The following SPOCK1 variants were observed in gnomAD, a reference collection of about 807,000 sequenced individuals.
SPOCK1 encodes testican-1.
SPOCK1 carries 23 observed loss-of-function variants against 55.3 expected under a neutral mutation model. The observed-to-expected ratio is 0.42, with a 90% confidence interval of 0.30 to 0.59. SPOCK1 has a LOEUF of 0.59. Among genes scored for constraint, SPOCK1 ranks in the 20% least tolerant of loss-of-function variants. The pLI is 0.22. For missense variants in SPOCK1, 499 were observed against 552.5 expected, an observed-to-expected ratio of 0.90 and a Z score of 0.97; for synonymous variants, 226 against 221.0, an observed-to-expected ratio of 1.02 and a Z score of -0.20.
chr5:137,144,499 A>G (rs1350949681), intron 3 of SPOCK1, among the ~76,000 whole-genome samples: 1 of 152,260 alleles, frequency 6.6e-6, no homozygotes, highest in Non-Finnish European at 1.5e-5. Context: ...AACTTCACAG[A>G]GCAACAAAAC....
chr5:137,118,476 A>C (rs1327213356), intron 4 of SPOCK1, among the ~76,000 whole-genome samples: 1 of 152,110 alleles, frequency 6.6e-6, no homozygotes, highest in East Asian at 1.9e-4. Flanking sequence ...CACCCTCACC[A>C]ACCCATACCC....
chr5:137,350,503 A>G (rs1750654608), intron 2 of SPOCK1, among the ~76,000 whole-genome samples: 1 of 152,114 alleles, frequency 6.6e-6, no homozygotes, highest in Non-Finnish European at 1.5e-5. Context: ...ACTCATCTGG[A>G]GGGTACAACA....
chr5:137,112,519 A>G lies in SPOCK1; in HGVS notation c.390T>C (p.Pro130=), dbSNP rs17170968. 22,287 of 1,613,680 alleles carry G rather than the reference A, an allele frequency of 0.014. 2,502 individuals carry two copies. In the African/African-American group the frequency reaches 0.26, roughly 19 times the overall value. The change falls in exon 5 of 11, where the codon CCT becomes CCC. Residue 130 remains proline (P), a synonymous_variant. Transcript: ENST00000394945. ...GNVAQKHWVG[P]SNLVKCKPCP... is the part of the protein sequence containing the mutation. The stretch of plus-strand genomic sequence containing the variant: ...AGGGCTTGCACTTGACCAAATTCGA[A>G]GGTCCAACCCAGTGTTTCTGGGCCA...
At chr5:137,469,562 TTAAC>T (rs1179897179) in intron 2 of SPOCK1, among the ~76,000 whole-genome samples, 1 of 152,150 alleles carries the variant, frequency 6.6e-6, no homozygotes, top group African/African-American at 2.4e-5. Flanking sequence ...ATAGGTTTCT[TTAAC>T]TATAGAACAC....
At chr5:137,008,996 C>T (rs1447029037) in intron 6 of SPOCK1, among the ~76,000 whole-genome samples, 1 of 151,922 alleles carries the variant, frequency 6.6e-6, no homozygotes, top group African/African-American at 2.4e-5. Flanking sequence ...TATTAAAAAA[C>T]GTAAAGGAAA....
At chr5:137,401,077 C>T (rs1432273561) in intron 2 of SPOCK1, among the ~76,000 whole-genome samples, 1 of 151,936 alleles carries the variant, frequency 6.6e-6, no homozygotes, top group African/African-American at 2.4e-5. Flanking sequence ...CATCCTTGTA[C>T]CAAATCCAAC....
intron 2 of SPOCK1, among the ~76,000 whole-genome samples, chr5:137,434,794 C>A (rs1225461560): frequency 2.0e-5 from 3 of 152,106 alleles, no homozygotes; most frequent in African/African-American, 7.2e-5. Flanking sequence ...AGCCACCACG[C>A]CCGGCCTCCA....
At chr5:137,383,820 C>T (rs1308815246) in intron 2 of SPOCK1, among the ~76,000 whole-genome samples, 1 of 152,266 alleles carries the variant, frequency 6.6e-6, no homozygotes, top group Non-Finnish European at 1.5e-5. Context: ...GTCTATTCCA[C>T]CTCTTTTTCC....
At chr5:137,455,170 T>C (rs1453320442) in intron 2 of SPOCK1, among the ~76,000 whole-genome samples, 1 of 152,210 alleles carries the variant, frequency 6.6e-6, no homozygotes, top group Non-Finnish European at 1.5e-5. Context: ...AATGCACCCA[T>C]TTATCATTGG....
chr5:137,075,461 G>T (rs1357468723), intron 5 of SPOCK1, among the ~76,000 whole-genome samples: 1 of 152,174 alleles, frequency 6.6e-6, no homozygotes, highest in Non-Finnish European at 1.5e-5. Flanking sequence ...CTTCAGTAAG[G>T]ATTTGTTAAA....
intron 3 of SPOCK1, among the ~76,000 whole-genome samples, chr5:137,265,581 A>C (rs576140416): frequency 6.6e-6 from 1 of 152,316 alleles, no homozygotes; most frequent in African/African-American, 2.4e-5. Context: ...AACATTTCTA[A>C]ACTAAGTTAC....
intron 6 of SPOCK1, among the ~76,000 whole-genome samples, chr5:137,063,295 C>CTTCCACCATCTCTTCAGG (rs1285646141): frequency 6.6e-6 from 1 of 151,360 alleles, no homozygotes; most frequent in African/African-American, 2.4e-5. Flanking sequence ...ATGGTCCCAC[C>CTTCCACCATCTCTTCAGG]TTCCACCATC....
intron 3 of SPOCK1, among the ~76,000 whole-genome samples, chr5:137,247,592 A>C (rs1756420170): frequency 6.6e-6 from 1 of 152,198 alleles, no homozygotes; most frequent in Non-Finnish European, 1.5e-5. Context: ...CACTTTAAAA[A>C]AAACTGCTTA....
At chr5:137,214,267 G>T (rs1266854940) in intron 3 of SPOCK1, among the ~76,000 whole-genome samples, 1 of 152,118 alleles carries the variant, frequency 6.6e-6, no homozygotes, top group African/African-American at 2.4e-5. Context: ...GGAGATATAT[G>T]TTGGCCAAAG....
At chr5:137,015,770 C>T (rs1751438812) in intron 6 of SPOCK1, among the ~76,000 whole-genome samples, 1 of 152,198 alleles carries the variant, frequency 6.6e-6, no homozygotes, top group Admixed American at 6.5e-5. Flanking sequence ...TGTTCTGAGA[C>T]ATGTCTGTGG....
chr5:137,068,070 T>C (rs1309275266), intron 5 of SPOCK1, among the ~76,000 whole-genome samples: 1 of 152,208 alleles, frequency 6.6e-6, no homozygotes, highest in Non-Finnish European at 1.5e-5. Flanking sequence ...CCTTTAATGA[T>C]GGTAAACCCT....
chr5:137,083,259 G>C (rs1392236460), intron 5 of SPOCK1, among the ~76,000 whole-genome samples: 1 of 152,164 alleles, frequency 6.6e-6, no homozygotes, highest in Non-Finnish European at 1.5e-5. Context: ...TGAGCTCACA[G>C]GGAAGCCAAT....
chr5:137,079,533 TCC>T (rs59775905), intron 5 of SPOCK1, among the ~76,000 whole-genome samples: 1,527 of 38,620 alleles, frequency 0.04, 69 homozygotes, highest in African/African-American at 0.07. Flanking sequence ...CCCATCTGAT[TCC>T]CCCCCCCCCC....
chr5:136,982,943 G>T (rs1428350461), intron 9 of SPOCK1, among the ~76,000 whole-genome samples: 1 of 152,092 alleles, frequency 6.6e-6, no homozygotes, highest in African/African-American at 2.4e-5. Flanking sequence ...ATTTCCCCTT[G>T]GCACTTTGAA....
Sources: gnomAD v4.1 joint callset for allele counts (sites outside exome capture counted in the v4.1 genomes callset) on GRCh38, gnomAD v4.1.1 for gene constraint, MANE v1.5 for transcripts, NCBI Gene and HGNC (gene_info 2026-07-23, HGNC 2026-07-21) for gene names.